The following RBMS1 variants were observed in gnomAD, a reference collection of about 807,000 sequenced individuals.
RBMS1 encodes the protein RNA binding motif single stranded interacting protein 1.
Under a neutral mutation model 62.3 loss-of-function variants are expected in RBMS1, and 17 were observed. The observed-to-expected ratio is 0.27, with a 90% CI of 0.19 to 0.41. The LOEUF (loss-of-function observed/expected upper bound fraction) is 0.41. Ranked by LOEUF, RBMS1 falls within the 10% of genes least tolerant of loss-of-function variation. The pLI is 1.00. For missense variants in RBMS1, 334 were observed against 504.5 expected, an observed-to-expected ratio of 0.66 and a Z score of 3.24; for synonymous variants, 172 against 170.0, an observed-to-expected ratio of 1.01 and a Z score of -0.09.
chr2:160,305,112 C>T (rs1689431460), intron 4 of RBMS1, among the ~76,000 whole-genome samples: 1 of 152,196 alleles, frequency 6.6e-6, no homozygotes, highest in South Asian at 2.1e-4. Context: ...CTTGGCCTCC[C>T]AAAGTGCTGG....
At chr2:160,366,963 C>T in intron 2 of RBMS1, 1 of 293,312 alleles carries the variant, frequency 3.4e-6, no homozygotes, top group Non-Finnish European at 6.2e-6. Flanking sequence ...TATTTTACTT[C>T]TCATATGCCC....
intron 9 of RBMS1, chr2:160,284,190 G>C (rs72969025): frequency 0.032 from 4,948 of 153,862 alleles, 144 homozygotes; most frequent in Middle Eastern, 0.1. Flanking sequence ...ATCAAATCTT[G>C]AAATACAAGA....
chr2:160,309,392 T>G (rs1428678022), intron 4 of RBMS1, among the ~76,000 whole-genome samples: 1 of 152,176 alleles, frequency 6.6e-6, no homozygotes, highest in Non-Finnish European at 1.5e-5. Context: ...GCTGAAAGGC[T>G]GACAAGTATG....
chr2:160,409,854 G>A (rs538060137), intron 1 of RBMS1, among the ~76,000 whole-genome samples: 15 of 152,190 alleles, frequency 9.9e-5, no homozygotes, highest in Non-Finnish European at 1.9e-4. Flanking sequence ...AAGTTTTTAA[G>A]TGATGATGAA....
At chr2:160,378,527 C>G (rs1055261978) in intron 1 of RBMS1, among the ~76,000 whole-genome samples, 1 of 151,826 alleles carries the variant, frequency 6.6e-6, no homozygotes, top group African/African-American at 2.4e-5. Flanking sequence ...GTGGGACGAT[C>G]ACTTGAGCCG....
intron 1 of RBMS1, among the ~76,000 whole-genome samples, chr2:160,482,080 A>G (rs1291734864): frequency 6.6e-6 from 1 of 152,238 alleles, no homozygotes; most frequent in East Asian, 1.9e-4. Context: ...AATATAATGG[A>G]TACATAAATT....
At chr2:160,415,733 T>C (rs1395314828) in intron 1 of RBMS1, among the ~76,000 whole-genome samples, 1 of 152,154 alleles carries the variant, frequency 6.6e-6, no homozygotes, top group Non-Finnish European at 1.5e-5. Context: ...CTAAGATGGA[T>C]AGCACAAGTA....
intron 10 of RBMS1, among the ~76,000 whole-genome samples, chr2:160,280,792 TATA>T (rs149555732): frequency 0.1 from 15,161 of 152,218 alleles, 1,014 homozygotes; most frequent in East Asian, 0.26. Flanking sequence ...AAATACACTA[TATA>T]ATAAGTATAA....
intron 3 of RBMS1, among the ~76,000 whole-genome samples, chr2:160,316,579 C>T (rs996108445): frequency 2.6e-5 from 4 of 152,158 alleles, no homozygotes; most frequent in Non-Finnish European, 5.9e-5. Flanking sequence ...TTCTAGATCA[C>T]GTAGAGCACT....
chr2:160,365,414 T>C (rs1693342898), intron 2 of RBMS1, among the ~76,000 whole-genome samples: 1 of 152,180 alleles, frequency 6.6e-6, no homozygotes, highest in African/African-American at 2.4e-5. Flanking sequence ...GAGTAATGTT[T>C]ACACACGTTA....
At chr2:160,428,822 T>C (rs531215495) in intron 1 of RBMS1, among the ~76,000 whole-genome samples, 7 of 152,342 alleles carry the variant, frequency 4.6e-5, no homozygotes, top group African/African-American at 1.7e-4. Context: ...TTACAAAGTC[T>C]GTAATAGCTG....
Position 160,493,526 on chromosome 2 carries a change from C to A in RBMS1, c.-163G>T, listed in dbSNP as rs1335876267. On this transcript the variant is annotated 5_prime_UTR_variant, in exon 1 of 14. Coordinates refer to ENST00000348849, the MANE Select transcript of RBMS1 (RefSeq NM_016836.4). The stretch of plus-strand genomic sequence containing the variant: ...CCTCCCAGCCGGGACCAGACGTCCT[C>A]CTCCTCCTCCTCCTCTTCCTCCTCC... 1.6e-6 allele frequency: 1 copy of A among 629,934 alleles called. No individual in the cohort carries two copies. Among genetic ancestry groups the A allele is most frequent in the Non-Finnish European group, 2.8e-6 (1 of 358,074 alleles). The allele number at this position is 629,934 out of a possible 1,614,324, so 39.0% of individuals were successfully genotyped here. A position where few individuals can be genotyped will look rare whatever the true frequency, so the allele number is the denominator to read the frequency against.
At chr2:160,324,661 C>T (rs900772552) in intron 2 of RBMS1, among the ~76,000 whole-genome samples, 3 of 151,806 alleles carry the variant, frequency 2.0e-5, no homozygotes, top group African/African-American at 7.3e-5. Context: ...GGGATTCACA[C>T]ATCCCGTAAA....
intron 4 of RBMS1, 82 bp downstream of exon 4, chr2:160,313,074 G>T: frequency 7.5e-7 from 1 of 1,330,838 alleles, no homozygotes; most frequent in Non-Finnish European, 1.1e-6. Flanking sequence ...GGAGATTACA[G>T]ATGCAGATAG....
intron 1 of RBMS1, among the ~76,000 whole-genome samples, chr2:160,368,007 A>T (rs1207441866): frequency 6.6e-6 from 1 of 152,162 alleles, no homozygotes; most frequent in Non-Finnish European, 1.5e-5. Flanking sequence ...TCCAAGCTGG[A>T]AAACTTCCCA....
Position 160,284,829 on chromosome 2 carries a change from C to A in RBMS1, c.846G>T (p.Met282Ile). 1 of 1,610,512 alleles carries A rather than the reference C, an allele frequency of 6.2e-7. No homozygotes were observed. Among genetic ancestry groups the A allele is most frequent in the Non-Finnish European group, 8.5e-7 (1 of 1,176,828 alleles). The stretch of plus-strand genomic sequence containing the variant: ...AGGGTGTAATAGAAGTTTGAGTGAT[C>A]ATTCGGTTTGTAGCAATACTGTATG... ...PSPYSIATNR[M>I]ITQTSITPYI... The change falls in exon 9 of 14, where the codon ATG (methionine) becomes ATT (isoleucine). Residue 282 changes from methionine to isoleucine, a missense_variant. Physicochemically the swap from Met to Ile is conservative, Grantham distance 10 (BLOSUM62 1). Coordinates refer to ENST00000348849, the MANE Select transcript of RBMS1 (RefSeq NM_016836.4).
In RBMS1 at chr2:160,436,356, T is replaced by C. The variant is rs531338215; in HGVS notation, c.75+56933A>G. 4.6e-5 allele frequency among the ~76,000 whole-genome samples: 7 copies of C among 152,248 alleles called. No individual in the cohort carries two copies. The South Asian group carries it at 1.5e-3, about 32-fold the overall frequency. On this transcript the variant is annotated intron_variant, in intron 1 of 13. Transcript: ENST00000348849. ...CAAGCTCCCCGTGTAGAGAGAGAAA[T>C]GCTAACAATAAAGCAAGGGGCACCA... is the stretch of plus-strand genomic sequence containing the variant.
intron 2 of RBMS1, among the ~76,000 whole-genome samples, chr2:160,350,862 T>C (rs965172402): frequency 3.3e-5 from 5 of 152,202 alleles, no homozygotes; most frequent in Non-Finnish European, 7.3e-5. Flanking sequence ...CCTTTGGGTA[T>C]ATACCCAGTA....
chr2:160,402,915 TG>T (rs1485433068), intron 1 of RBMS1, among the ~76,000 whole-genome samples: 1 of 152,158 alleles, frequency 6.6e-6, no homozygotes, highest in African/African-American at 2.4e-5. Context: ...CTCAGAAACC[TG>T]GATCAGATAG....
Sources: allele counts gnomAD v4.1 joint callset (sites outside exome capture counted in the v4.1 genomes callset), GRCh38; gene constraint gnomAD v4.1.1; transcripts MANE v1.5; gene names NCBI Gene and HGNC (gene_info 2026-07-23, HGNC 2026-07-21).